The following XPO7 variants were observed in gnomAD, a reference collection of about 807,000 sequenced individuals.
XPO7 encodes exportin 7.
In XPO7, 21 loss-of-function variants were observed where a neutral mutation model predicts 144.3. That is an observed-to-expected ratio of 0.15 (90% CI 0.10 to 0.21). The LOEUF (loss-of-function observed/expected upper bound fraction) is 0.21. Among genes scored for constraint, XPO7 ranks in the 10% least tolerant of loss-of-function variants. The probability of loss-of-function intolerance (pLI) is 1.00; values close to 1 mark genes in which losing one functional copy is unlikely to be tolerated. For synonymous variants in XPO7, 580 were observed against 499.6 expected (o/e 1.16, Z -2.15); for missense variants, 808 against 1,325.8 (o/e 0.61, Z 6.06).
At chr8:21,966,218 G>C in intron 1 of XPO7, 1 of 758,190 alleles carries the variant, frequency 1.3e-6, no homozygotes, top group Non-Finnish European at 2.5e-6. Flanking sequence ...AATTTATTTT[G>C]ACGCTTTCAT....
At chr8:21,923,717 A>G (rs1193314303) in intron 1 of XPO7, among the ~76,000 whole-genome samples, 2 of 152,228 alleles carry the variant, frequency 1.3e-5, no homozygotes, top group African/African-American at 4.8e-5. Flanking sequence ...TCTTACAGAG[A>G]AATTAGCTTC....
chr8:21,963,806 C>CA (rs1811802933), intron 1 of XPO7, among the ~76,000 whole-genome samples: 2 of 151,960 alleles, frequency 1.3e-5, no homozygotes, highest in African/African-American at 4.8e-5. Context: ...AATGTACCAA[C>CA]AAAATCTTTA....
intron 1 of XPO7, among the ~76,000 whole-genome samples, chr8:21,941,950 A>T (rs1811006650): frequency 6.6e-6 from 1 of 152,212 alleles, no homozygotes. Context: ...TGTCTAAAGA[A>T]GCACACATAG....
chr8:21,999,053 A>G lies in XPO7; in HGVS notation c.2429-38A>G, dbSNP rs1310209773. ...AAGGCTGATCTAAACGAGCGCTTCT[A>G]ATGTGGTTGAATAAACATATATGAC... On this transcript the variant is annotated intron_variant, in intron 22 of 27. Coordinates refer to ENST00000252512, the MANE Select transcript of XPO7 (RefSeq NM_015024.5). 3.7e-6 allele frequency: 6 copies of G among 1,610,758 alleles called. No individual in the cohort carries two copies. The East Asian group carries it at 1.1e-4, about 30-fold the overall frequency.
Position 21,976,493 on chromosome 8 carries a change from A to G in XPO7, c.735A>G (p.Thr245=), listed in dbSNP as rs768016822. The G allele has an allele frequency of 6.2e-6, 10 of 1,613,026 alleles. No individual in the cohort carries two copies. Among genetic ancestry groups the G allele is most frequent in the East Asian group, 4.5e-5 (2 of 44,858 alleles). Residue 245 remains threonine, a synonymous_variant, in exon 7 of 28, where the codon ACA becomes ACG. Coordinates refer to ENST00000252512, the MANE Select transcript of XPO7 (RefSeq NM_015024.5). The stretch of plus-strand genomic sequence containing the variant: ...ATGAGTCCTCAGACGACCTGTGTAC[A>G]GTGCAGATTCCCACCAGCTGGAGAT... The part of the protein sequence containing the change: ...STDESSDDLC[T]VQIPTSWRSA...
intron 3 of XPO7, 78 bp downstream of exon 3, chr8:21,969,654 G>A: frequency 7.7e-7 from 1 of 1,290,506 alleles, no homozygotes; most frequent in South Asian, 1.3e-5. Flanking sequence ...AAATGTACGT[G>A]TTTGTTCAAT....
chr8:21,996,666 T>G (rs1812959238), intron 21 of XPO7, among the ~76,000 whole-genome samples: 1 of 152,150 alleles, frequency 6.6e-6, no homozygotes, highest in African/African-American at 2.4e-5. Context: ...TGAGCAAGAT[T>G]TTCAAAACAA....
chr8:21,997,061 G>T (rs147338715), intron 21 of XPO7, among the ~76,000 whole-genome samples: 242 of 152,314 alleles, frequency 1.6e-3, no homozygotes, highest in African/African-American at 5.2e-3. Flanking sequence ...GCCCACTTCA[G>T]CCTCCCAGAG....
At chr8:21,976,307 G>T in intron 6 of XPO7, 49 bp from the exon 7 acceptor site, 1 of 1,589,998 alleles carries the variant, frequency 6.3e-7, no homozygotes, top group East Asian at 2.2e-5. Context: ...GGAGCAAGCT[G>T]GGAAGAGAGG....
intron 1 of XPO7, among the ~76,000 whole-genome samples, chr8:21,950,951 G>C (rs556627674): frequency 6.6e-6 from 1 of 151,168 alleles, no homozygotes; most frequent in African/African-American, 2.4e-5. Flanking sequence ...ACAAAACCTC[G>C]ACTCTACAAA....
chr8:21,942,921 T>G (rs1012839401), intron 1 of XPO7, among the ~76,000 whole-genome samples: 49 of 152,344 alleles, frequency 3.2e-4, no homozygotes, highest in African/African-American at 1.1e-3. Context: ...AATGAGTGTG[T>G]GGCAGTGAAG....
At chr8:21,931,526 T>C (rs1217664333) in intron 1 of XPO7, among the ~76,000 whole-genome samples, 5 of 152,258 alleles carry the variant, frequency 3.3e-5, no homozygotes, top group African/African-American at 1.2e-4. Context: ...TTTTGTTTGC[T>C]GGAACAGCCT....
At chr8:21,928,226 A>G (rs1810526984) in intron 1 of XPO7, among the ~76,000 whole-genome samples, 1 of 152,242 alleles carries the variant, frequency 6.6e-6, no homozygotes, top group African/African-American at 2.4e-5. Context: ...TCAGCATAGT[A>G]ACTCTGAGAT....
rs533658067 is a variant in XPO7 at position 21,941,683 on chromosome 8, G to T, written c.18+21895G>T. 1.1e-4 allele frequency among the ~76,000 whole-genome samples: 17 copies of T among 152,316 alleles called. No individual in the cohort carries two copies. The South Asian group carries it at 2.7e-3, about 24-fold the overall frequency. On this transcript the variant is annotated intron_variant, in intron 1 of 27. Coordinates refer to ENST00000252512, the MANE Select transcript of XPO7 (RefSeq NM_015024.5). ...GAAGGCCAATTATATAAGGAAATGGGAGGGATGCTGGAGAAACCTATGGAT... is the reference window on the plus strand; with the variant it reads ...GAAGGCCAATTATATAAGGAAATGGTAGGGATGCTGGAGAAACCTATGGAT...
chr8:21,920,618 G>A (rs1353268565), intron 1 of XPO7, among the ~76,000 whole-genome samples: 1 of 152,212 alleles, frequency 6.6e-6, no homozygotes, highest in Non-Finnish European at 1.5e-5. Flanking sequence ...GACAGGCACA[G>A]GCCCTAGAAA....
chr8:21,987,060 G>A (rs1245408261), intron 13 of XPO7, 81 bp from the exon 14 acceptor site: 22 of 1,586,676 alleles, frequency 1.4e-5, no homozygotes, highest in East Asian at 2.2e-5. Flanking sequence ...AGGCATATAC[G>A]ACCATGTCAA....
chr8:21,998,022 C>T (rs1813009667), intron 21 of XPO7, among the ~76,000 whole-genome samples: 2 of 152,218 alleles, frequency 1.3e-5, no homozygotes, highest in Admixed American at 6.5e-5. Context: ...TGCATCTTTT[C>T]TTCATATAAA....
At chr8:21,958,496 ACAT>A (rs1272946426) in intron 1 of XPO7, among the ~76,000 whole-genome samples, 1 of 152,214 alleles carries the variant, frequency 6.6e-6, no homozygotes, top group East Asian at 1.9e-4. Context: ...ACCATAAGTT[ACAT>A]CACAGCCGTC....
At chr8:21,996,206 G>A (rs550967410) in intron 21 of XPO7, among the ~76,000 whole-genome samples, 17 of 152,152 alleles carry the variant, frequency 1.1e-4, no homozygotes, top group Non-Finnish European at 2.1e-4. Flanking sequence ...GGCAGATTGC[G>A]TGAATGCAGT....
Sources: gnomAD v4.1 joint callset for allele counts (sites outside exome capture counted in the v4.1 genomes callset) on GRCh38, gnomAD v4.1.1 for gene constraint, MANE v1.5 for transcripts, NCBI Gene and HGNC (gene_info 2026-07-23, HGNC 2026-07-21) for gene names.